Variants in BNIP5 observed in about 807,000 individuals in gnomAD.
BNIP5 encodes the protein BCL2 interacting protein 5.
BNIP5 carries 61 observed loss-of-function variants against 67.3 expected under a neutral mutation model. That is an observed-to-expected ratio of 0.91 (90% CI 0.74 to 1.12). BNIP5 has a LOEUF of 1.12. Among genes scored for constraint, BNIP5 ranks in the 50% most tolerant of loss-of-function variants. BNIP5 has a pLI of 0.00. For missense variants in BNIP5, 826 were observed against 816.3 expected (o/e 1.01, Z -0.14); for synonymous variants, 317 against 319.0 (o/e 0.99, Z 0.07).
chr6:36,330,273 C>G lies in BNIP5; in HGVS notation c.418G>C (p.Gly140Arg), dbSNP rs1440213477. ...SQHPEPLEAA[G>R]EPALRKKAHH... Reference sequence around the variant, plus strand: ...GCTTTCTTCCTGAGGGCTGGCTCCCCTGCTGCTTCCAGGGGCTCCGGATGC... The same window carrying G: ...GCTTTCTTCCTGAGGGCTGGCTCCCGTGCTGCTTCCAGGGGCTCCGGATGC... Residue 140 changes from glycine (G) to arginine (R), a missense_variant, in exon 2 of 12, where the codon GGG (glycine) becomes CGG (arginine). By Grantham distance (125) the Gly-to-Arg change is moderately radical. Transcript: ENST00000437635. 8 of 1,614,104 alleles carry G rather than the reference C, an allele frequency of 5.0e-6. No individual in the cohort carries two copies. Among genetic ancestry groups the G allele is most frequent in the Non-Finnish European group, 6.8e-6 (8 of 1,180,048 alleles).
chr6:36,323,242 C>T lies in BNIP5; in HGVS notation c.1471+51G>A, dbSNP rs767420329. 6 of 1,609,914 alleles carry T rather than the reference C, an allele frequency of 3.7e-6. No individual in the cohort carries two copies. In the Admixed American group the frequency reaches 6.7e-5, roughly 18 times the overall value. ...CAACGACAGACAGGCCACACAGCAGCCTTGCCCAAGAGGAAGCCTCTGTTA... is the reference window on the plus strand; with the variant it reads ...CAACGACAGACAGGCCACACAGCAGTCTTGCCCAAGAGGAAGCCTCTGTTA... On this transcript the variant is annotated intron_variant, in intron 8 of 11. Transcript: ENST00000437635.
intron 1 of BNIP5, among the ~76,000 whole-genome samples, chr6:36,334,001 T>C (rs1373106626): frequency 6.6e-6 from 1 of 152,206 alleles, no homozygotes; most frequent in African/African-American, 2.4e-5. Flanking sequence ...GGACCGGCGC[T>C]TCCTTACCCA....
chr6:36,317,123 A>G lies in BNIP5; in HGVS notation c.*233T>C. 3.4e-6 allele frequency: 2 copies of G among 589,338 alleles called. No individual in the cohort carries two copies. The highest frequency in any genetic ancestry group is 6.0e-6 in the Non-Finnish European group (2 of 332,230). The allele number at this position is 589,338 out of a possible 1,614,324, so 36.5% of individuals were successfully genotyped here. ...AGCAGGTAGAGCCCCAGTCTTCCTC[A>G]TTCCCAGTCCAGTGCTGATTTCCCC... On this transcript the variant is annotated 3_prime_UTR_variant, in exon 12 of 12. Transcript: ENST00000437635.
chr6:36,328,784 T>A (rs180944835), intron 2 of BNIP5, 70 bp from the exon 3 acceptor site: 2 of 956,142 alleles, frequency 2.1e-6, no homozygotes, highest in Non-Finnish European at 3.4e-6. Context: ...TTCTCCTGAC[T>A]TTGTTCATCA....
intron 1 of BNIP5, among the ~76,000 whole-genome samples, chr6:36,330,948 G>A (rs111484843): frequency 0.015 from 2,310 of 152,220 alleles, 62 homozygotes; most frequent in African/African-American, 0.049. Flanking sequence ...ATTTTTAGTA[G>A]AGATGGGGTT....
chr6:36,333,196 C>A (rs1771942175), intron 1 of BNIP5, among the ~76,000 whole-genome samples: 1 of 152,182 alleles, frequency 6.6e-6, no homozygotes, highest in Non-Finnish European at 1.5e-5. Flanking sequence ...GGGAAGGAAA[C>A]CAGATGGTAT....
chr6:36,320,460 C>A (rs1771609624), intron 10 of BNIP5, among the ~76,000 whole-genome samples: 1 of 152,224 alleles, frequency 6.6e-6, no homozygotes, highest in Non-Finnish European at 1.5e-5. Flanking sequence ...GCTGTTAATT[C>A]TGCCCCCCAC....
chr6:36,316,649 A>G lies in BNIP5; in HGVS notation c.*707T>C, dbSNP rs372823944. 37 of 398,624 alleles carry G rather than the reference A, an allele frequency of 9.3e-5. No homozygotes were observed. Among genetic ancestry groups the G allele is most frequent in the South Asian group, 8.9e-4 (7 of 7,858 alleles). 24.7% of individuals were successfully genotyped at this position (398,624 alleles called of 1,614,324 possible). On this transcript the variant is annotated 3_prime_UTR_variant, in exon 12 of 12. Coordinates refer to ENST00000437635, the MANE Select transcript of BNIP5 (RefSeq NM_001010903.5). ...GCCTACATGGACATGGCACTAGGTAATTTTCAGAACTCTTCACATCCATTT... is the reference window on the plus strand; with the variant it reads ...GCCTACATGGACATGGCACTAGGTAGTTTTCAGAACTCTTCACATCCATTT...
Position 36,330,457 on chromosome 6 carries a change from G to A in BNIP5, c.234C>T (p.Pro78=), listed in dbSNP as rs138487840. 228 of 1,614,152 alleles carry A rather than the reference G, an allele frequency of 1.4e-4. No individual in the cohort carries two copies. In the East Asian group the frequency reaches 4.7e-3, roughly 33 times the overall value. Residue 78 remains proline (P), a synonymous_variant, in exon 2 of 12, where the codon CCC becomes CCT. Transcript: ENST00000437635. ...AHCTTAAAPT[P]EETGDFLPSE... ...TGGGGAGAAAATCTCCGGTCTCCTC[G>A]GGAGTGGGGGCTGCAGCGGTGGTGC...
chr6:36,333,808 A>G (rs1310160211), intron 1 of BNIP5, among the ~76,000 whole-genome samples: 1 of 152,236 alleles, frequency 6.6e-6, no homozygotes, highest in East Asian at 1.9e-4. Flanking sequence ...CTGACCAGAA[A>G]TATTTACTGA....
rs1771973158 is a variant in BNIP5 at position 36,334,508 on chromosome 6, T to C, written c.-5+2204A>G. ...TGTGACTGTCCTCAGTCCAGCTCTC[T>C]CCTCCCTCTCCCCCGCTCCAACTGC... On this transcript the variant is annotated intron_variant, in intron 1 of 11. Coordinates refer to ENST00000437635, the MANE Select transcript of BNIP5 (RefSeq NM_001010903.5). Among the ~76,000 whole-genome samples the C allele has an allele frequency of 2.6e-5, 4 of 152,118 alleles. No homozygotes were observed. In the South Asian group the frequency reaches 8.3e-4, roughly 31 times the overall value.
intron 2 of BNIP5, 93 bp downstream of exon 2, chr6:36,329,988 C>A: frequency 1.4e-6 from 2 of 1,415,118 alleles, no homozygotes; most frequent in East Asian, 2.3e-5. Context: ...CCTGACAGCT[C>A]CCCCGACTAT....
At position 36,323,319 on chromosome 6, in the gene BNIP5, T is replaced by C. The variant is rs957725655; in HGVS notation, c.1445A>G (p.His482Arg). 1 of 1,614,244 alleles carries C rather than the reference T, an allele frequency of 6.2e-7. No homozygotes were observed. The highest frequency in any genetic ancestry group is 8.5e-7 in the Non-Finnish European group (1 of 1,180,042). ...PSFLPLCVGG[H>R]RPSTSSSLDP... ...AAGGCTGCTGGAGGTGGAGGGCCGA[T>C]GGCCACCAACACACAGGGGCAGAAA... The change falls in exon 8 of 12, where the codon CAT (histidine) becomes CGT (arginine). Residue 482 changes from histidine to arginine, a missense_variant. His to Arg is a conservative substitution (Grantham distance 29, BLOSUM62 0). Transcript: ENST00000437635.
At position 36,328,732 on chromosome 6, in the gene BNIP5, G is replaced by A. The variant is rs947414470; in HGVS notation, c.611-18C>T. On this transcript the variant is annotated intron_variant, in intron 2 of 11. Transcript: ENST00000437635. ...TTCCCCACCTGGAATAGAGACGAAA[G>A]CAAACGGGTATGTAGGTGTGTATGT... 1 of 1,509,544 alleles carries A rather than the reference G, an allele frequency of 6.6e-7. No individual in the cohort carries two copies. Among genetic ancestry groups the A allele is most frequent in the African/African-American group, 1.4e-5 (1 of 72,816 alleles). 93.5% of individuals were successfully genotyped at this position (1,509,544 alleles called of 1,614,324 possible). A position where few individuals can be genotyped will look rare whatever the true frequency, so the allele number is the denominator to read the frequency against.
In BNIP5 at chr6:36,321,192, G is replaced by A; in HGVS notation, c.1631C>T (p.Ala544Val). The A allele has an allele frequency of 6.3e-7, 1 of 1,598,282 alleles. No individual in the cohort carries two copies. The highest frequency in any genetic ancestry group is 1.7e-5 in the Admixed American group (1 of 58,040). Reference protein sequence around the residue: ...SKEIIIQKLVALLQEVDGQLG... With the variant: ...SKEIIIQKLVVLLQEVDGQLG... ...TTGGCCATCCACTTCTTGGAGAAGT[G>A]CCACAAGCTTCTGGATGATGATCTC... is the stretch of plus-strand genomic sequence containing the variant. Residue 544 changes from alanine to valine, a missense_variant, in exon 10 of 12, where the codon GCA becomes GTA. Physicochemically the swap from Ala to Val is moderately conservative, Grantham distance 64 (BLOSUM62 0). Transcript: ENST00000437635.
intron 3 of BNIP5, 64 bp downstream of exon 3, chr6:36,328,534 C>T (rs1771812945): frequency 6.3e-6 from 6 of 949,620 alleles, no homozygotes; most frequent in Non-Finnish European, 1.0e-5. Flanking sequence ...TCAGAACAAT[C>T]CGTCTCATTC....
chr6:36,328,248 G>T (rs1284254049), intron 3 of BNIP5, among the ~76,000 whole-genome samples: 2 of 152,340 alleles, frequency 1.3e-5, no homozygotes, highest in East Asian at 1.9e-4. Context: ...TATACAAGTT[G>T]TGGCAGCGTG....
rs766249234 is a variant in BNIP5, at chr6:36,323,312, G to A, written c.1452C>T (p.Pro484=). Residue 484 remains proline (P), a synonymous_variant, in exon 8 of 12, where the codon CCC becomes CCT. Transcript: ENST00000437635. Reference sequence around the variant, plus strand: ...GCTCACCAAGGCTGCTGGAGGTGGAGGGCCGATGGCCACCAACACACAGGG... The same window carrying A: ...GCTCACCAAGGCTGCTGGAGGTGGAAGGCCGATGGCCACCAACACACAGGG... ...FLPLCVGGHR[P]STSSSLDPED... 3.7e-6 allele frequency: 6 copies of A among 1,614,128 alleles called. No individual in the cohort carries two copies. The Admixed American group carries it at 8.3e-5, about 22-fold the overall frequency.
intron 1 of BNIP5, among the ~76,000 whole-genome samples, chr6:36,335,239 G>A (rs1380229994): frequency 7.9e-5 from 12 of 152,126 alleles, no homozygotes; most frequent in Admixed American, 2.0e-4. Context: ...TCACCTGGCC[G>A]CGTTACTCTC....
Sources: gnomAD v4.1 joint callset for allele counts (sites outside exome capture counted in the v4.1 genomes callset) on GRCh38, gnomAD v4.1.1 for gene constraint, MANE v1.5 for transcripts, NCBI Gene and HGNC (gene_info 2026-07-23, HGNC 2026-07-21) for gene names.